The following DYNC1I2 variants were observed in gnomAD, a reference collection of about 807,000 sequenced individuals.
DYNC1I2 encodes the protein dynein cytoplasmic 1 intermediate chain 2.
In DYNC1I2, 53 loss-of-function variants were observed where a neutral mutation model predicts 88.6. The observed-to-expected ratio is 0.60, with a 90% CI of 0.48 to 0.75. The LOEUF is 0.75. DYNC1I2 is among the 30% of genes least tolerant of loss of function. DYNC1I2 has a pLI of 0.00. For synonymous variants in DYNC1I2, 198 were observed against 254.6 expected, an observed-to-expected ratio of 0.78 and a Z score of 2.12; for missense variants, 458 against 766.6, an observed-to-expected ratio of 0.60 and a Z score of 4.75.
intron 5 of DYNC1I2, among the ~76,000 whole-genome samples, chr2:171,710,336 G>A (rs1234774770): frequency 1.3e-5 from 2 of 152,094 alleles, no homozygotes; most frequent in South Asian, 2.1e-4. Flanking sequence ...GAGCAAACAC[G>A]ATGTTAATGT....
intron 5 of DYNC1I2, among the ~76,000 whole-genome samples, chr2:171,710,120 TATACACACACAC>T (rs1287630189): frequency 6.8e-4 from 65 of 95,770 alleles, no homozygotes; most frequent in African/African-American, 2.2e-3. Context: ...TTTATGTATA[TATACACACACAC>T]ACACACACAC....
At chr2:171,732,472 C>T (rs10204622) in intron 15 of DYNC1I2, among the ~76,000 whole-genome samples, 43,992 of 152,052 alleles carry the variant, frequency 0.29, 6,664 homozygotes, top group African/African-American at 0.38. Context: ...TTTTTATCAC[C>T]AGATAAATGC....
chr2:171,689,366 T>C (rs1353106915), intron 1 of DYNC1I2, among the ~76,000 whole-genome samples: 1 of 152,240 alleles, frequency 6.6e-6, no homozygotes, highest in African/African-American at 2.4e-5. Flanking sequence ...TTAGTATTAC[T>C]ACAGCACTTT....
At chr2:171,719,655 C>G (rs537249373) in intron 7 of DYNC1I2, among the ~76,000 whole-genome samples, 8 of 152,304 alleles carry the variant, frequency 5.3e-5, no homozygotes, top group African/African-American at 1.9e-4. Context: ...AGACTTAACT[C>G]TTACCTTTCT....
chr2:171,740,827 A>C (rs111949180), intron 15 of DYNC1I2, among the ~76,000 whole-genome samples: 214 of 152,088 alleles, frequency 1.4e-3, no homozygotes, highest in Non-Finnish European at 2.6e-3. Flanking sequence ...CATGAAATTC[A>C]CCCTTTTAAA....
chr2:171,729,856 A>G lies in DYNC1I2; in HGVS notation c.1536+3A>G. On this transcript the variant is annotated splice_donor_region_variant and intron_variant, in intron 15 of 17. Coordinates refer to ENST00000397119, the MANE Select transcript of DYNC1I2 (RefSeq NM_001378.3). ...CAGTAAAGCTTTGGACAACTAAGGT[A>G]TCTAAAATATAGATGTCTGCTATTT... is the stretch of plus-strand genomic sequence containing the variant. The G allele has an allele frequency of 6.2e-7, 1 of 1,613,508 alleles. No homozygotes were observed. The highest frequency in any genetic ancestry group is 8.5e-7 in the Non-Finnish European group (1 of 1,179,566).
Position 171,747,826 on chromosome 2 carries a change from T to G in DYNC1I2, c.1854T>G (p.Leu618=), listed in dbSNP as rs771735961. The G allele has an allele frequency of 1.9e-6, 3 of 1,611,368 alleles. No homozygotes were observed. The African/African-American group carries it at 4.0e-5, about 22-fold the overall frequency. ...NDEWARFGRT[L]AEINANRADA... ...AATGGGCACGGTTTGGCCGAACACT[T>G]GCAGAAATTAATGCAAACCGAGCTG... The change falls in exon 18 of 18, where the codon CTT becomes CTG. Residue 618 remains leucine (L), a synonymous_variant. Transcript: ENST00000397119.
intron 3 of DYNC1I2, among the ~76,000 whole-genome samples, chr2:171,703,553 TTC>T (rs921626653): frequency 6.6e-6 from 1 of 152,162 alleles, no homozygotes; most frequent in African/African-American, 2.4e-5. Flanking sequence ...ACTTATTAAT[TTC>T]TTTTTTTTAA....
Position 171,687,609 on chromosome 2 carries a change from G to A in DYNC1I2, c.-28G>A, listed in dbSNP as rs963072437. On this transcript the variant is annotated 5_prime_UTR_variant, in exon 1 of 18. Transcript: ENST00000397119. ...GACTGGGTTCTTTGTTTTATCTACCGGCTTCTGCTTTACGACAGGTAAGTC... is the reference window on the plus strand; with the variant it reads ...GACTGGGTTCTTTGTTTTATCTACCAGCTTCTGCTTTACGACAGGTAAGTC... The A allele has an allele frequency of 6.6e-6, 1 of 152,110 alleles. No homozygotes were observed. Among genetic ancestry groups the A allele is most frequent in the African/African-American group, 2.4e-5 (1 of 41,384 alleles). 9.4% of individuals were successfully genotyped at this position (152,110 alleles called of 1,614,324 possible).
At chr2:171,706,468 A>G (rs1461628968) in intron 3 of DYNC1I2, 79 bp from the exon 4 acceptor site, 8 of 1,212,188 alleles carry the variant, frequency 6.6e-6, no homozygotes, top group Admixed American at 5.6e-5. Flanking sequence ...TATTTTATAT[A>G]CTATGAAAAA....
chr2:171,702,182 A>G (rs1246125830), intron 3 of DYNC1I2, among the ~76,000 whole-genome samples: 1 of 152,240 alleles, frequency 6.6e-6, no homozygotes, highest in African/African-American at 2.4e-5. Context: ...CCTTCCCAGA[A>G]AAGGTTAACA....
chr2:171,733,459 C>CTTTTTTTTTTTTTTTTTTTTTTTT (rs61079902), intron 15 of DYNC1I2, among the ~76,000 whole-genome samples: 10 of 55,802 alleles, frequency 1.8e-4, no homozygotes, highest in Admixed American at 3.0e-4. Context: ...TTGCCAGCAT[C>CTTTTTTTTTTTTTTTTTTTTTTTT]TTTTTTTTTT....
chr2:171,725,318 G>T (rs1386211154), intron 7 of DYNC1I2, among the ~76,000 whole-genome samples: 1 of 152,148 alleles, frequency 6.6e-6, no homozygotes, highest in African/African-American at 2.4e-5. Context: ...ATTCATCCTA[G>T]TTGCTTATAT....
chr2:171,718,949 A>T (rs937533297), intron 7 of DYNC1I2, among the ~76,000 whole-genome samples: 1 of 152,206 alleles, frequency 6.6e-6, no homozygotes, highest in Non-Finnish European at 1.5e-5. Context: ...TTGTAAACCA[A>T]ATATGACTGA....
intron 3 of DYNC1I2, among the ~76,000 whole-genome samples, chr2:171,701,359 G>A (rs555528908): frequency 2.0e-5 from 3 of 152,158 alleles, no homozygotes; most frequent in South Asian, 2.1e-4. Context: ...TGGTAGAGAC[G>A]GGGTTTCACC....
At chr2:171,746,908 T>C (rs1432416804) in intron 17 of DYNC1I2, among the ~76,000 whole-genome samples, 1 of 151,902 alleles carries the variant, frequency 6.6e-6, no homozygotes, top group African/African-American at 2.4e-5. Context: ...ATATTTGTTA[T>C]TGGGGCCGGG....
At chr2:171,730,158 C>T (rs1318267574) in intron 15 of DYNC1I2, among the ~76,000 whole-genome samples, 1 of 152,188 alleles carries the variant, frequency 6.6e-6, no homozygotes, top group Non-Finnish European at 1.5e-5. Flanking sequence ...TCTCGCATAG[C>T]ACCTCATACA....
chr2:171,725,379 G>A (rs552581411), intron 7 of DYNC1I2, among the ~76,000 whole-genome samples: 1 of 152,128 alleles, frequency 6.6e-6, no homozygotes, highest in Admixed American at 6.5e-5. Flanking sequence ...TGTTGCTGAG[G>A]TACCACATAG....
intron 3 of DYNC1I2, among the ~76,000 whole-genome samples, chr2:171,703,861 T>C (rs1686464691): frequency 1.3e-5 from 2 of 152,194 alleles, no homozygotes; most frequent in Admixed American, 6.5e-5. Flanking sequence ...TTGATGACCT[T>C]AGAAGAGACT....
Sources: gnomAD v4.1 joint callset for allele counts (sites outside exome capture counted in the v4.1 genomes callset) on GRCh38, gnomAD v4.1.1 for gene constraint, MANE v1.5 for transcripts, NCBI Gene and HGNC (gene_info 2026-07-23, HGNC 2026-07-21) for gene names.